MAP7: variants seen among roughly 807,000 people sequenced by gnomAD.
The protein encoded by MAP7 is microtubule associated protein 7.
A neutral mutation model predicts 94.8 loss-of-function variants in MAP7; 52 were observed. That is an observed-to-expected ratio of 0.55 (90% CI 0.44 to 0.69). The LOEUF (loss-of-function observed/expected upper bound fraction) is 0.69. Among genes scored for constraint, MAP7 ranks in the 30% least tolerant of loss-of-function variants. The probability of loss-of-function intolerance (pLI) is 0.00; values close to 1 mark genes in which losing one functional copy is unlikely to be tolerated. For missense variants in MAP7, 940 were observed against 964.6 expected (o/e 0.97, Z 0.34); for synonymous variants, 350 against 357.0 (o/e 0.98, Z 0.22).
chr6:136,460,231 A>G (rs1157169943), intron 1 of MAP7, among the ~76,000 whole-genome samples: 1 of 152,194 alleles, frequency 6.6e-6, no homozygotes, highest in African/African-American at 2.4e-5. Context: ...ATTTAAAGTA[A>G]GTCAGTACCA....
chr6:136,492,048 T>C (rs934743912), intron 1 of MAP7, among the ~76,000 whole-genome samples: 1 of 152,100 alleles, frequency 6.6e-6, no homozygotes, highest in East Asian at 1.9e-4. Flanking sequence ...GATTAGGACA[T>C]GTAAACAAAT....
chr6:136,516,389 C>T (rs1405214877), intron 1 of MAP7, among the ~76,000 whole-genome samples: 1 of 152,060 alleles, frequency 6.6e-6, no homozygotes, highest in African/African-American at 2.4e-5. Flanking sequence ...AACTCCTGGG[C>T]TCAAATGATC....
intron 1 of MAP7, among the ~76,000 whole-genome samples, chr6:136,461,559 C>T (rs1367604030): frequency 6.6e-6 from 1 of 152,094 alleles, no homozygotes; most frequent in Non-Finnish European, 1.5e-5. Flanking sequence ...ATGTTACTTG[C>T]TATTCAGGCC....
chr6:136,494,309 T>C (rs1176290197), intron 1 of MAP7, among the ~76,000 whole-genome samples: 2 of 152,142 alleles, frequency 1.3e-5, no homozygotes, highest in African/African-American at 2.4e-5. Flanking sequence ...TAGTAACAGA[T>C]TTGGTGGCAG....
At chr6:136,377,575 A>G (rs1233268746) in intron 7 of MAP7, among the ~76,000 whole-genome samples, 180 bp downstream of exon 7, 1 of 152,232 alleles carries the variant, frequency 6.6e-6, no homozygotes, top group African/African-American at 2.4e-5. Context: ...GTGTCCAGAT[A>G]AGATGCTAAG....
At chr6:136,407,181 A>C (rs2128727037) in intron 3 of MAP7, among the ~76,000 whole-genome samples, 1 of 149,818 alleles carries the variant, frequency 6.7e-6, no homozygotes. Flanking sequence ...ATCAGCAAAT[A>C]TTTATTATGT....
intron 1 of MAP7, among the ~76,000 whole-genome samples, chr6:136,442,549 C>T (rs1220820938): frequency 6.6e-6 from 1 of 152,140 alleles, no homozygotes; most frequent in Non-Finnish European, 1.5e-5. Context: ...CCAGGTCCCA[C>T]CCAGACCCGC....
chr6:136,523,792 G>C (rs1266875888), intron 1 of MAP7, among the ~76,000 whole-genome samples: 1 of 152,092 alleles, frequency 6.6e-6, no homozygotes, highest in Non-Finnish European at 1.5e-5. Context: ...CCTTGATTAA[G>C]TCTCTCTTAT....
At chr6:136,443,195 T>A (rs1204414862) in intron 1 of MAP7, among the ~76,000 whole-genome samples, 2 of 152,146 alleles carry the variant, frequency 1.3e-5, no homozygotes, top group African/African-American at 2.4e-5. Context: ...ACAACTGTAA[T>A]ATGATAAGAA....
At chr6:136,384,687 C>T (rs117814661) in intron 5 of MAP7, among the ~76,000 whole-genome samples, 1,670 of 152,078 alleles carry the variant, frequency 0.011, 19 homozygotes, top group Non-Finnish European at 0.019. Flanking sequence ...GTTCTCATTA[C>T]GTTGCCCAGG....
intron 12 of MAP7, 100 bp from the exon 13 acceptor site, chr6:136,360,898 G>A (rs1792477798): frequency 6.5e-7 from 1 of 1,548,852 alleles, no homozygotes; most frequent in East Asian, 2.2e-5. Context: ...GGATGGAGAA[G>A]GTGTGGAAAG....
At chr6:136,372,439 C>T (rs762650399) in intron 8 of MAP7, 62 bp downstream of exon 8, 88 of 1,598,004 alleles carry the variant, frequency 5.5e-5, no homozygotes, top group Non-Finnish European at 7.3e-5. Context: ...GGGTCATGTA[C>T]AGTCTGCACA....
At chr6:136,475,748 T>A (rs541968946) in intron 1 of MAP7, 2 of 152,308 alleles carry the variant, frequency 1.3e-5, no homozygotes, top group South Asian at 4.1e-4. Flanking sequence ...AATCCTTTAC[T>A]TTTATATGCT....
chr6:136,391,259 G>T (rs1342845620), intron 3 of MAP7, among the ~76,000 whole-genome samples: 1 of 150,746 alleles, frequency 6.6e-6, no homozygotes, highest in Non-Finnish European at 1.5e-5. Context: ...TAGGGACATG[G>T]ATGAAACTGG....
chr6:136,431,529 A>ATTTAAT (rs1794913267), intron 1 of MAP7, among the ~76,000 whole-genome samples: 2 of 34,012 alleles, frequency 5.9e-5, no homozygotes, highest in Non-Finnish European at 1.3e-4. Context: ...TATTTATTTA[A>ATTTAAT]TTTTTTGAGA....
Position 136,360,681 on chromosome 6 carries a change from A to G in MAP7, c.1803+16T>C, listed in dbSNP as rs748252866. On this transcript the variant is annotated intron_variant, in intron 13 of 17. Coordinates refer to ENST00000354570, the MANE Select transcript of MAP7 (RefSeq NM_003980.6). Reference sequence around the variant, plus strand: ...GCAAGTTCGCGTCCCGGGCCTCTCTACTAAGACGCAGCTACCTTCTTTCTC... The same window carrying G: ...GCAAGTTCGCGTCCCGGGCCTCTCTGCTAAGACGCAGCTACCTTCTTTCTC... 1 of 1,612,334 alleles carries G rather than the reference A, an allele frequency of 6.2e-7. No individual in the cohort carries two copies. Among genetic ancestry groups the G allele is most frequent in the Non-Finnish European group, 8.5e-7 (1 of 1,178,546 alleles).
intron 1 of MAP7, among the ~76,000 whole-genome samples, chr6:136,508,247 C>T (rs1397559434): frequency 6.6e-6 from 1 of 151,924 alleles, no homozygotes; most frequent in African/African-American, 2.4e-5. Flanking sequence ...ATCGCTTGAG[C>T]CTGGGGAAGT....
intron 1 of MAP7, among the ~76,000 whole-genome samples, chr6:136,546,440 T>C (rs559027313): frequency 5.9e-5 from 9 of 152,062 alleles, no homozygotes; most frequent in Non-Finnish European, 1.2e-4. Context: ...ATTGTTTTGA[T>C]TTTTAGATCC....
rs112187423 is a variant in MAP7, at chr6:136,443,728, G to A, written c.68-21929C>T. The stretch of plus-strand genomic sequence containing the variant: ...GCCTCCCAAAGTGCTGAGATTACAG[G>A]CATGAGCCACCACGCCTGGCCCCCT... On this transcript the variant is annotated intron_variant, in intron 1 of 17. Coordinates refer to ENST00000354570, the MANE Select transcript of MAP7 (RefSeq NM_003980.6). 7.8e-3 allele frequency among the ~76,000 whole-genome samples: 1,189 copies of A among 152,160 alleles called. 8 individuals are homozygous for A. The highest frequency in any genetic ancestry group is 0.012 in the Admixed American group (183 of 15,278).
Sources: gnomAD v4.1 joint callset for allele counts (sites outside exome capture counted in the v4.1 genomes callset) on GRCh38, gnomAD v4.1.1 for gene constraint, MANE v1.5 for transcripts, NCBI Gene and HGNC (gene_info 2026-07-23, HGNC 2026-07-21) for gene names.